LAMB1: variants seen among roughly 807,000 people sequenced by gnomAD.
The protein encoded by LAMB1 is laminin subunit beta-1.
A neutral mutation model predicts 222.3 loss-of-function variants in LAMB1; 121 were observed. The ratio of observed to expected loss-of-function variants is 0.54; its 90% CI spans 0.47 to 0.63. LAMB1 has a LOEUF of 0.63. Among genes scored for constraint, LAMB1 ranks in the 30% least tolerant of loss-of-function variants. The pLI is 0.00. For missense variants in LAMB1, 2,172 were observed against 2,240.8 expected, an observed-to-expected ratio of 0.97 and a Z score of 0.62; for synonymous variants, 794 against 807.2, an observed-to-expected ratio of 0.98 and a Z score of 0.28.
chr7:107,978,364 T>G (rs1037676115), intron 8 of LAMB1, among the ~76,000 whole-genome samples, 197 bp from the exon 9 acceptor site: 7 of 152,088 alleles, frequency 4.6e-5, no homozygotes, highest in Non-Finnish European at 8.8e-5. Flanking sequence ...ATGCCTCATC[T>G]CTAGAATGTT....
rs1452741203 is a variant in LAMB1, at chr7:107,952,064, C to A, written c.3239G>T (p.Gly1080Val). Residue 1080 changes from glycine (G) to valine (V), a missense_variant, in exon 23 of 34, where the codon GGC (glycine) becomes GTC (valine). Transcript: ENST00000222399. ...PNTWQLASGTGCDPCNCNAAH... is the reference protein window; with the variant it reads ...PNTWQLASGTVCDPCNCNAAH... ...AGCATTGCAGTTGCATGGGTCACAG[C>A]CAGTGCCACTGGCCAGCTGCCAGGT... The A allele has an allele frequency of 6.2e-7, 1 of 1,614,086 alleles. No individual in the cohort carries two copies. Among genetic ancestry groups the A allele is most frequent in the Non-Finnish European group, 8.5e-7 (1 of 1,180,000 alleles).
Position 107,975,309 on chromosome 7 carries a change from C to A in LAMB1, c.1294G>T (p.Val432Leu), listed in dbSNP as rs1218892607. ...CAAACATCACAATGTTCTCCTTCCA[C>A]ATTTAATTTACACCGACACTGGCCA... ...IAGQCRCKLN[V>L]EGEHCDVCKE... Residue 432 changes from valine to leucine, a missense_variant, in exon 11 of 34, where the codon GTG becomes TTG. Coordinates refer to ENST00000222399, the MANE Select transcript of LAMB1 (RefSeq NM_002291.3). 10 of 1,614,060 alleles carry A rather than the reference C, an allele frequency of 6.2e-6. No individual in the cohort carries two copies. The highest frequency in any genetic ancestry group is 8.5e-6 in the Non-Finnish European group (10 of 1,179,940).
At chr7:107,999,008 T>C (rs1052945321) in intron 3 of LAMB1, among the ~76,000 whole-genome samples, 1 of 152,240 alleles carries the variant, frequency 6.6e-6, no homozygotes. Context: ...GTTTCCACCC[T>C]GCCCGAGCAG....
At chr7:107,997,225 C>T (rs1379639577) in intron 4 of LAMB1, among the ~76,000 whole-genome samples, 3 of 152,054 alleles carry the variant, frequency 2.0e-5, no homozygotes, top group Admixed American at 1.3e-4. Flanking sequence ...AGATTGAGAC[C>T]ACCCTGGCTA....
Position 107,924,097 on chromosome 7 carries a change from G to A in LAMB1, c.5225-10C>T. The stretch of plus-strand genomic sequence containing the variant: ...TATTTTCTTTCTAAATCTGTGGGGA[G>A]ATATATATATATAAAGTCTGAGCAA... On this transcript the variant is annotated splice_polypyrimidine_tract_variant and intron_variant, in intron 33 of 33. Coordinates refer to ENST00000222399, the MANE Select transcript of LAMB1 (RefSeq NM_002291.3). The A allele has an allele frequency of 1.4e-6, 2 of 1,476,630 alleles. No individual in the cohort carries two copies. Among genetic ancestry groups the A allele is most frequent in the South Asian group, 1.4e-5 (1 of 73,806 alleles). The allele number at this position is 1,476,630 out of a possible 1,614,324, so 91.5% of individuals were successfully genotyped here. A position where few individuals can be genotyped will look rare whatever the true frequency, so the allele number is the denominator to read the frequency against.
chr7:107,975,517 AC>A (rs1445648820), intron 10 of LAMB1, 104 bp from the exon 11 acceptor site: 1 of 1,306,004 alleles, frequency 7.7e-7, no homozygotes, highest in African/African-American at 1.5e-5. Context: ...ACAAAAGTCG[AC>A]TAAAAGCAGC....
chr7:107,945,266 A>G (rs539322751), intron 24 of LAMB1, among the ~76,000 whole-genome samples: 70 of 152,340 alleles, frequency 4.6e-4, no homozygotes, highest in African/African-American at 1.7e-3. Flanking sequence ...TAAAGATACT[A>G]AGGTCCAGAG....
intron 5 of LAMB1, 38 bp downstream of exon 5, chr7:107,994,849 C>T: frequency 8.5e-7 from 1 of 1,169,722 alleles, no homozygotes; most frequent in African/African-American, 1.5e-5. Flanking sequence ...ACACAGTGCT[C>T]TCATGTGTCA....
rs2033831765 is a variant in LAMB1 at position 107,975,381 on chromosome 7, CA to C, written c.1221del (p.Asn407LysfsTer24). 1 of 1,613,396 alleles carries C rather than the reference CA, an allele frequency of 6.2e-7. No homozygotes were observed. The highest frequency in any genetic ancestry group is 8.5e-7 in the Non-Finnish European group (1 of 1,179,814). The stretch of plus-strand genomic sequence containing the variant: ...TCAGTATAGCTGTCACAAATTCCCT[CA>C]TTTTGAGAGCCAGCTGGGTCACACG... The part of the protein sequence containing the change: ...RCTCDPAGSQ[N>X]EGICDSYTDF... On this transcript the variant is annotated frameshift_variant, in exon 11 of 34. Coordinates refer to ENST00000222399, the MANE Select transcript of LAMB1 (RefSeq NM_002291.3). LOFTEE classifies it high-confidence loss of function.
Position 107,937,101 on chromosome 7 carries a change from T to C in LAMB1, c.3938A>G (p.Asp1313Gly). 1 of 1,613,676 alleles carries C rather than the reference T, an allele frequency of 6.2e-7. No individual in the cohort carries two copies. Among genetic ancestry groups the C allele is most frequent in the Non-Finnish European group, 8.5e-7 (1 of 1,179,748 alleles). ...CACCAAAAAATGCTCACCCCGAATA[T>C]CTGAGTTTTTGATAAATTCCAGTTG... ...AEQLEFIKNSDIRGALDSITK... is the reference protein window; with the variant it reads ...AEQLEFIKNSGIRGALDSITK... Residue 1313 changes from aspartate (D) to glycine (G), a missense_variant, in exon 26 of 34, where the codon GAT (aspartate) becomes GGT (glycine). Physicochemically the swap from Asp to Gly is moderately conservative, Grantham distance 94. Coordinates refer to ENST00000222399, the MANE Select transcript of LAMB1 (RefSeq NM_002291.3).
At chr7:107,961,947 T>C (rs555735319) in intron 15 of LAMB1, among the ~76,000 whole-genome samples, 1 of 152,326 alleles carries the variant, frequency 6.6e-6, no homozygotes, top group East Asian at 1.9e-4. Flanking sequence ...AATCCCCTGC[T>C]TGAAATGCTT....
At chr7:107,958,132 T>C (rs890607226) in intron 20 of LAMB1, among the ~76,000 whole-genome samples, 2 of 152,154 alleles carry the variant, frequency 1.3e-5, no homozygotes, top group Non-Finnish European at 2.9e-5. Flanking sequence ...CATATCTTTC[T>C]CTCGTACTTA....
At chr7:107,935,347 G>GC in intron 27 of LAMB1, 68 bp downstream of exon 27, 3 of 1,171,424 alleles carry the variant, frequency 2.6e-6, no homozygotes, top group Non-Finnish European at 3.4e-6. Context: ...GTTTTTCTTT[G>GC]TTTTTTTTTT....
At chr7:107,948,358 T>C (rs1428662458) in intron 24 of LAMB1, among the ~76,000 whole-genome samples, 1 of 152,112 alleles carries the variant, frequency 6.6e-6, no homozygotes, top group Non-Finnish European at 1.5e-5. Flanking sequence ...TTTAACACTT[T>C]GGGGAAAGGG....
In LAMB1 at chr7:107,998,495, A is replaced by G. The variant is rs201667170; in HGVS notation, c.214-3T>C. The G allele has an allele frequency of 1.2e-6, 2 of 1,612,874 alleles. No homozygotes were observed. The highest frequency in any genetic ancestry group is 8.5e-7 in the Non-Finnish European group (1 of 1,179,420). On this transcript the variant is annotated splice_polypyrimidine_tract_variant and splice_region_variant and intron_variant, in intron 3 of 33. Transcript: ENST00000222399. Reference sequence around the variant, plus strand: ...CATATGAAGCATTTTTTGTCCTCCTACAAACAAAGTTGAGTTCATCAGTCT... The same window carrying G: ...CATATGAAGCATTTTTTGTCCTCCTGCAAACAAAGTTGAGTTCATCAGTCT...
intron 4 of LAMB1, among the ~76,000 whole-genome samples, chr7:107,996,326 G>A (rs1158104610): frequency 2.0e-5 from 3 of 152,074 alleles, no homozygotes; most frequent in Non-Finnish European, 4.4e-5. Context: ...AATCCACAGA[G>A]AAAAGAAACA....
intron 27 of LAMB1, among the ~76,000 whole-genome samples, chr7:107,933,817 G>C (rs1234619411): frequency 1.3e-5 from 2 of 152,168 alleles, no homozygotes; most frequent in African/African-American, 4.8e-5. Flanking sequence ...AGGTGGAAAA[G>C]CAAGCACAGG....
chr7:107,982,840 T>C (rs139996725), intron 7 of LAMB1, among the ~76,000 whole-genome samples: 84 of 152,340 alleles, frequency 5.5e-4, no homozygotes, highest in African/African-American at 1.9e-3. Context: ...GTAAATCAAA[T>C]GCATGATCAG....
At position 107,940,268 on chromosome 7, in the gene LAMB1, C is replaced by T. The variant is rs774640720; in HGVS notation, c.3482G>A (p.Arg1161His). 1.5e-5 allele frequency: 24 copies of T among 1,614,102 alleles called. No homozygotes were observed. Among genetic ancestry groups the T allele is most frequent in the South Asian group, 5.5e-5 (5 of 91,086 alleles). The change falls in exon 25 of 34, where the codon CGC becomes CAC. Residue 1161 changes from arginine (R) to histidine (H), a missense_variant. Coordinates refer to ENST00000222399, the MANE Select transcript of LAMB1 (RefSeq NM_002291.3). Reference sequence around the variant, plus strand: ...GTACCCTCGCGTGCACTTGTCACAGCGTGGACCCTCAACACCCTCAACGCA... The same window carrying T: ...GTACCCTCGCGTGCACTTGTCACAGTGTGGACCCTCAACACCCTCAACGCA... ...CVCVEGVEGP[R>H]CDKCTRGYSG...
Sources: gnomAD v4.1 joint callset for allele counts (sites outside exome capture counted in the v4.1 genomes callset) on GRCh38, gnomAD v4.1.1 for gene constraint, MANE v1.5 for transcripts, NCBI Gene and HGNC (gene_info 2026-07-23, HGNC 2026-07-21) for gene names.